The following KGD4 variants were observed in gnomAD, a reference collection of about 807,000 sequenced individuals.
The protein encoded by KGD4 is alpha-ketoglutarate dehydrogenase component 4.
chr5:69,221,630 C>T, the KGD4 span, among the ~76,000 whole-genome samples: 33 of 152,062 alleles, frequency 2.2e-4, no homozygotes, highest in Non-Finnish European at 3.5e-4. Flanking sequence ...GGATCCTAGA[C>T]CTAAATGCAA....
chr5:69,229,143 G>T, the KGD4 span: 1 of 1,372,160 alleles, frequency 7.3e-7, no homozygotes. Flanking sequence ...TTGTAAAATT[G>T]CCATCAAAAC....
chr5:69,219,780 AC>A, the KGD4 span, among the ~76,000 whole-genome samples: 2 of 152,166 alleles, frequency 1.3e-5, no homozygotes, highest in Non-Finnish European at 2.9e-5. Flanking sequence ...AACCACAATC[AC>A]CCCACTGCAC....
chr5:69,217,880 A>G, the KGD4 span: 7 of 1,613,800 alleles, frequency 4.3e-6, no homozygotes, highest in South Asian at 3.3e-5. Context: ...AGGTAAAGCA[A>G]TTTGTCGCGT....
the KGD4 span, among the ~76,000 whole-genome samples, chr5:69,223,812 G>A: frequency 7.9e-5 from 12 of 151,932 alleles, no homozygotes; most frequent in Non-Finnish European, 1.3e-4. Flanking sequence ...TGTAATCCCA[G>A]CACTTTGGGA....
At chr5:69,221,327 A>G in the KGD4 span, among the ~76,000 whole-genome samples, 120 of 152,262 alleles carry the variant, frequency 7.9e-4, no homozygotes, top group African/African-American at 2.8e-3. Flanking sequence ...CGATCACTCC[A>G]CTGCACCCCA....
the KGD4 span, among the ~76,000 whole-genome samples, chr5:69,221,427 A>G: frequency 7.2e-5 from 11 of 152,332 alleles, no homozygotes; most frequent in African/African-American, 2.4e-4. Context: ...ATCCAGTGCT[A>G]TGCTATTTAT....
chr5:69,221,786 TCTG>T, the KGD4 span, among the ~76,000 whole-genome samples: 229 of 151,902 alleles, frequency 1.5e-3, 1 homozygote, highest in African/African-American at 5.4e-3. Context: ...AATAAAAAAT[TCTG>T]CTCTGTGAGA....
chr5:69,222,977 C>T, the KGD4 span, among the ~76,000 whole-genome samples: 2 of 149,080 alleles, frequency 1.3e-5, no homozygotes, highest in African/African-American at 2.5e-5. Context: ...AGGGTTTCAC[C>T]GTCTTGGCCA....
chr5:69,218,545 C>CT, the KGD4 span, among the ~76,000 whole-genome samples: 1 of 151,588 alleles, frequency 6.6e-6, no homozygotes, highest in Non-Finnish European at 1.5e-5. Flanking sequence ...TTTAGATAGA[C>CT]AGCTAAAGTA....
At chr5:69,228,580 A>G in the KGD4 span, among the ~76,000 whole-genome samples, 1 of 152,212 alleles carries the variant, frequency 6.6e-6, no homozygotes, top group Non-Finnish European at 1.5e-5. Flanking sequence ...TATGCATGAT[A>G]TATCAATATC....
chr5:69,226,397 C>G, the KGD4 span: 49 of 1,594,648 alleles, frequency 3.1e-5, no homozygotes, highest in Non-Finnish European at 4.2e-5. Context: ...ATCCTAAACC[C>G]AATGGTGAGT....
chr5:69,226,739 C>T, the KGD4 span, among the ~76,000 whole-genome samples: 1 of 151,960 alleles, frequency 6.6e-6, no homozygotes, highest in Non-Finnish European at 1.5e-5. Context: ...GTCCCAGCTA[C>T]TCGGGAGGCT....
the KGD4 span, among the ~76,000 whole-genome samples, chr5:69,224,745 C>T: frequency 5.9e-5 from 9 of 151,996 alleles, no homozygotes; most frequent in Admixed American, 5.9e-4. Context: ...TCCTGGGCAA[C>T]AAGCCAGACG....
chr5:69,229,310 T>A, the KGD4 span: 1 of 1,032,340 alleles, frequency 9.7e-7, no homozygotes, highest in African/African-American at 1.6e-5. Context: ...AAACTGTATA[T>A]TAAACACCTT....
chr5:69,229,114 T>C, the KGD4 span: 1 of 1,037,648 alleles, frequency 9.6e-7, no homozygotes, highest in South Asian at 1.3e-5. Context: ...AAAGATTACT[T>C]ACTGAAGATT....
the KGD4 span, among the ~76,000 whole-genome samples, chr5:69,218,304 C>T: frequency 6.6e-6 from 1 of 152,228 alleles, no homozygotes; most frequent in Non-Finnish European, 1.5e-5. Context: ...CTGGATCTGA[C>T]CCACTGTCCC....
At chr5:69,225,927 C>T in the KGD4 span, among the ~76,000 whole-genome samples, 1 of 152,164 alleles carries the variant, frequency 6.6e-6, no homozygotes. Flanking sequence ...GACGGGGTTT[C>T]ACCATGTTGC....
chr5:69,224,380 A>C, the KGD4 span, among the ~76,000 whole-genome samples: 1 of 139,732 alleles, frequency 7.2e-6, no homozygotes, highest in Admixed American at 7.3e-5. Flanking sequence ...GACAGAGGAG[A>C]CTCCATCTCA....
chr5:69,229,882 T>C, the KGD4 span: 5 of 151,942 alleles, frequency 3.3e-5, no homozygotes, highest in East Asian at 7.7e-4. Context: ...GAATATAGCA[T>C]AGGAATAAAG....
Sources: allele counts gnomAD v4.1 joint callset (sites outside exome capture counted in the v4.1 genomes callset), GRCh38; gene constraint gnomAD v4.1.1; transcripts MANE v1.5; gene names NCBI Gene and HGNC (gene_info 2026-07-23, HGNC 2026-07-21).